The following SNX29 variants were observed in gnomAD, a reference collection of about 807,000 sequenced individuals.
SNX29 encodes the protein sorting nexin-29.
SNX29 carries 78 observed loss-of-function variants against 102.1 expected under a neutral mutation model. That is an observed-to-expected ratio of 0.76 (90% CI 0.64 to 0.92). The LOEUF is 0.92. Ranked by LOEUF, SNX29 falls within the 40% of genes least tolerant of loss-of-function variation. SNX29 has a pLI of 0.00. For missense variants in SNX29, 1,280 were observed against 1,061.7 expected, an observed-to-expected ratio of 1.21 and a Z score of -2.86; for synonymous variants, 580 against 414.5, an observed-to-expected ratio of 1.40 and a Z score of -4.85.
intron 19 of SNX29, among the ~76,000 whole-genome samples, chr16:12,500,386 GCC>G (rs988720520): frequency 1.3e-5 from 2 of 152,114 alleles, no homozygotes; most frequent in African/African-American, 2.4e-5. Context: ...GAAATAACTG[GCC>G]CCAGGTACAC....
intron 5 of SNX29, among the ~76,000 whole-genome samples, chr16:12,043,868 T>A (rs1159722551): frequency 6.6e-6 from 1 of 152,216 alleles, no homozygotes; most frequent in Non-Finnish European, 1.5e-5. Flanking sequence ...TTCTCCTGCC[T>A]CAGCCTCCTG....
At chr16:12,530,364 TGAA>T (rs2076898921) in intron 20 of SNX29, among the ~76,000 whole-genome samples, 1 of 152,100 alleles carries the variant, frequency 6.6e-6, no homozygotes, top group South Asian at 2.1e-4. Context: ...GGGAAAGTGA[TGAA>T]GTTCTAGTGT....
Position 12,557,015 on chromosome 16 carries a change from ACCC to A in SNX29, c.2319-11483_2319-11481del, listed in dbSNP as rs11387141. 3.5e-4 allele frequency among the ~76,000 whole-genome samples: 11 copies of A among 31,812 alleles called. 2 individuals are homozygous for A. Among genetic ancestry groups the A allele is most frequent in the Non-Finnish European group, 4.5e-4 (7 of 15,472 alleles). 20.9% of individuals were successfully genotyped at this position (31,812 alleles called of 152,430 possible). A position where few individuals can be genotyped will look rare whatever the true frequency, so the allele number is the denominator to read the frequency against. The stretch of plus-strand genomic sequence containing the variant: ...GGTACACACCACATCTGGCTAATTT[ACCC>A]CCCCCCCGCCCCAAGATGAGGTCTT... On this transcript the variant is annotated intron_variant, in intron 20 of 20. Transcript: ENST00000566228.
intron 11 of SNX29, among the ~76,000 whole-genome samples, chr16:12,105,196 C>T (rs934746786): frequency 7.1e-6 from 1 of 140,152 alleles, no homozygotes; most frequent in African/African-American, 2.5e-5. Flanking sequence ...TTCCTTCCTT[C>T]CTCCCTTCCT....
At chr16:12,287,155 G>C (rs188189528) in intron 15 of SNX29, among the ~76,000 whole-genome samples, 1 of 152,256 alleles carries the variant, frequency 6.6e-6, no homozygotes, top group East Asian at 1.9e-4. Flanking sequence ...TCTCTGCCTT[G>C]ACTTCAGTTA....
chr16:12,298,605 A>G (rs2080058903), intron 15 of SNX29, among the ~76,000 whole-genome samples: 1 of 151,386 alleles, frequency 6.6e-6, no homozygotes, highest in Non-Finnish European at 1.5e-5. Context: ...GCCCTTAAAT[A>G]TATATGCATG....
chr16:12,461,978 A>ATATATACATATATATATATATATAT (rs869301507), intron 18 of SNX29, among the ~76,000 whole-genome samples: 1 of 27,354 alleles, frequency 3.7e-5, no homozygotes, highest in African/African-American at 1.4e-4. Context: ...AAAAAAAAAA[A>ATATATACATATATATATATATATAT]ATATATATAT....
chr16:12,487,549 G>A lies in SNX29; in HGVS notation c.2178+9690G>A, dbSNP rs139174409. On this transcript the variant is annotated intron_variant, in intron 19 of 20. Transcript: ENST00000566228. ...AATTGAGCCGAACTCTGCAAATGCC[G>A]CCGCACCACCCAGCCCTCCGTGGAG... Among the ~76,000 whole-genome samples, 336 of 152,232 alleles carry A rather than the reference G, an allele frequency of 2.2e-3. 1 individual carries two copies. The highest frequency in any genetic ancestry group is 7.5e-3 in the African/African-American group (313 of 41,540).
Position 11,993,245 on chromosome 16 carries a change from C to T in SNX29, c.8-6052C>T, listed in dbSNP as rs373347868. 3.0e-4 allele frequency among the ~76,000 whole-genome samples: 45 copies of T among 152,110 alleles called. No homozygotes were observed. In the East Asian group the frequency reaches 3.5e-3, roughly 12 times the overall value. ...GGGCTTGACCTCTGTGGAATGGGAACCAGTTTACCTGGAGCTCCAGGGTTG... is the reference window on the plus strand; with the variant it reads ...GGGCTTGACCTCTGTGGAATGGGAATCAGTTTACCTGGAGCTCCAGGGTTG... On this transcript the variant is annotated intron_variant, in intron 1 of 20. Transcript: ENST00000566228.
At chr16:12,097,896 G>A (rs936393452) in intron 11 of SNX29, among the ~76,000 whole-genome samples, 45 of 152,242 alleles carry the variant, frequency 3.0e-4, no homozygotes, top group African/African-American at 1.0e-3. Context: ...GCAGCTGGGT[G>A]TGAGTTTATT....
At chr16:12,311,724 A>G (rs1019984360) in intron 15 of SNX29, among the ~76,000 whole-genome samples, 4 of 152,228 alleles carry the variant, frequency 2.6e-5, no homozygotes, top group Non-Finnish European at 5.9e-5. Context: ...CGCCAATTCC[A>G]GTGTGAGCTG....
intron 11 of SNX29, among the ~76,000 whole-genome samples, chr16:12,112,503 G>A (rs7189640): frequency 0.19 from 29,529 of 152,184 alleles, 3,297 homozygotes; most frequent in Middle Eastern, 0.27. Flanking sequence ...GGCTGCATGC[G>A]TGAGGGAAAC....
At chr16:12,166,118 A>T (rs2056010319) in intron 13 of SNX29, among the ~76,000 whole-genome samples, 1 of 152,242 alleles carries the variant, frequency 6.6e-6, no homozygotes, top group African/African-American at 2.4e-5. Context: ...TAATAGTAGC[A>T]GCAGTCTTGG....
At chr16:12,275,498 C>T (rs374524838) in intron 14 of SNX29, among the ~76,000 whole-genome samples, 8 of 152,292 alleles carry the variant, frequency 5.3e-5, no homozygotes, top group African/African-American at 1.7e-4. Flanking sequence ...CTGTGTTCAC[C>T]GTCATTTCCA....
chr16:12,041,399 A>G (rs2049875059), intron 4 of SNX29, among the ~76,000 whole-genome samples: 1 of 152,224 alleles, frequency 6.6e-6, no homozygotes, highest in Admixed American at 6.5e-5. Flanking sequence ...GATATGGGCC[A>G]CCGTGCCTGG....
intron 11 of SNX29, among the ~76,000 whole-genome samples, chr16:12,102,672 G>A (rs573342158): frequency 1.7e-4 from 26 of 152,178 alleles, no homozygotes; most frequent in Middle Eastern, 6.8e-3. Flanking sequence ...GCCCTCTCTC[G>A]CCACTCCTAT....
At chr16:12,017,426 CAG>C (rs1298672414) in intron 3 of SNX29, among the ~76,000 whole-genome samples, 5 of 152,130 alleles carry the variant, frequency 3.3e-5, no homozygotes, top group African/African-American at 7.2e-5. Flanking sequence ...TTTGTAGAAA[CAG>C]AGTTTTTGTG....
intron 19 of SNX29, among the ~76,000 whole-genome samples, chr16:12,506,297 G>A (rs1361671350): frequency 6.6e-6 from 1 of 152,104 alleles, no homozygotes; most frequent in Non-Finnish European, 1.5e-5. Context: ...CTGTATCCAG[G>A]GGGACAACAC....
At chr16:12,315,569 G>A (rs181152144) in intron 15 of SNX29, among the ~76,000 whole-genome samples, 29 of 152,294 alleles carry the variant, frequency 1.9e-4, no homozygotes, top group Non-Finnish European at 3.5e-4. Context: ...GGTGGGGCCT[G>A]TGTGCGTGCA....
Sources: gnomAD v4.1 joint callset for allele counts (sites outside exome capture counted in the v4.1 genomes callset) on GRCh38, gnomAD v4.1.1 for gene constraint, MANE v1.5 for transcripts, NCBI Gene and HGNC (gene_info 2026-07-23, HGNC 2026-07-21) for gene names.